The following MAD1L1 variants were observed in gnomAD, a reference collection of about 807,000 sequenced individuals.
MAD1L1 encodes mitotic arrest deficient 1 like 1.
In MAD1L1, 95 loss-of-function variants were observed where a neutral mutation model predicts 96.9. The ratio of observed to expected loss-of-function variants is 0.98; its 90% CI spans 0.83 to 1.16. MAD1L1 has a LOEUF of 1.16. MAD1L1 is among the 50% of genes most tolerant of loss of function. The pLI, the probability that MAD1L1 is intolerant of heterozygous loss-of-function variation, is 0.00. For missense variants in MAD1L1, 1,007 were observed against 954.4 expected (o/e 1.06, Z -0.73); for synonymous variants, 473 against 396.6 (o/e 1.19, Z -2.29).
In MAD1L1 at chr7:1,840,396, G is replaced by A. The variant is rs192342806; in HGVS notation, c.1999-24168C>T. ...CTCTGCACAGTCTTTGAATCGGGCT[G>A]TACAAGTATCTGTCCTAGCAGCAGC... is the stretch of plus-strand genomic sequence containing the variant. On this transcript the variant is annotated intron_variant, in intron 18 of 18. Transcript: ENST00000265854. Among the ~76,000 whole-genome samples, 369 of 152,292 alleles carry A rather than the reference G, an allele frequency of 2.4e-3. 3 individuals are homozygous for A. Among genetic ancestry groups the A allele is most frequent in the African/African-American group, 8.4e-3 (351 of 41,562 alleles).
intron 18 of MAD1L1, among the ~76,000 whole-genome samples, chr7:1,897,797 C>T (rs1458158785): frequency 1.3e-5 from 2 of 152,216 alleles, no homozygotes; most frequent in African/African-American, 4.8e-5. Flanking sequence ...TCCCACTGCG[C>T]AGCCTGGCAT....
In MAD1L1 at chr7:2,070,202, G is replaced by A. The variant is rs1030315580; in HGVS notation, c.1074-864C>T. Among the ~76,000 whole-genome samples, 6 of 152,216 alleles carry A rather than the reference G, an allele frequency of 3.9e-5. 1 individual carries two copies. The highest frequency in any genetic ancestry group is 7.2e-5 in the African/African-American group (3 of 41,452). On this transcript the variant is annotated intron_variant, in intron 11 of 18. Coordinates refer to ENST00000265854, the MANE Select transcript of MAD1L1 (RefSeq NM_001013836.2). ...GTCCTTCAGGAGCTGACTTGGGACC[G>A]GACAAATGACAGCGTCCACTGACCC...
intron 11 of MAD1L1, among the ~76,000 whole-genome samples, chr7:2,128,086 G>A (rs753370144): frequency 6.6e-5 from 10 of 152,078 alleles, no homozygotes; most frequent in African/African-American, 2.4e-4. Flanking sequence ...TCATCAACTC[G>A]GGCTCTGGTC....
intron 10 of MAD1L1, among the ~76,000 whole-genome samples, chr7:2,197,525 C>G (rs1269287573): frequency 6.6e-6 from 1 of 152,212 alleles, no homozygotes; most frequent in African/African-American, 2.4e-5. Flanking sequence ...ACGACGTGCA[C>G]TGCACAGCCA....
At chr7:1,840,698 C>T (rs1287805170) in intron 18 of MAD1L1, among the ~76,000 whole-genome samples, 5 of 152,374 alleles carry the variant, frequency 3.3e-5, no homozygotes, top group Non-Finnish European at 5.9e-5. Flanking sequence ...CACTGCACTC[C>T]AGCCTGGGCA....
intron 10 of MAD1L1, among the ~76,000 whole-genome samples, chr7:2,212,761 A>C (rs542821722): frequency 6.6e-6 from 1 of 152,278 alleles, no homozygotes; most frequent in Admixed American, 6.5e-5. Flanking sequence ...ATAATTACCC[A>C]GTCTCTGGTA....
chr7:2,092,857 G>A (rs538599690), intron 11 of MAD1L1, among the ~76,000 whole-genome samples: 4 of 152,052 alleles, frequency 2.6e-5, no homozygotes, highest in Admixed American at 6.6e-5. Flanking sequence ...AAAACTCATC[G>A]TCCAACCCCA....
rs531418334 is a variant in MAD1L1, at chr7:2,060,332, C to T, written c.1218+8862G>A. 1.8e-4 allele frequency among the ~76,000 whole-genome samples: 27 copies of T among 148,396 alleles called. No homozygotes were observed. In the South Asian group the frequency reaches 5.6e-3, roughly 31 times the overall value. Reference sequence around the variant, plus strand: ...CGAGATACGCCGATGCTGAGATACGCCAATGCCAAGATGTCGAGATATGCT... The same window carrying T: ...CGAGATACGCCGATGCTGAGATACGTCAATGCCAAGATGTCGAGATATGCT... On this transcript the variant is annotated intron_variant, in intron 12 of 18. Coordinates refer to ENST00000265854, the MANE Select transcript of MAD1L1 (RefSeq NM_001013836.2).
Position 1,892,981 on chromosome 7 carries a change from T to C in MAD1L1, c.1998+5219A>G, listed in dbSNP as rs577962706. Among the ~76,000 whole-genome samples the C allele has an allele frequency of 4.0e-5, 6 of 151,784 alleles. No homozygotes were observed. In the South Asian group the frequency reaches 1.3e-3, roughly 32 times the overall value. ...TTTTGAGAAGAGGGGAAAAGGGAGG[T>C]GGGGAAAATTCCGTGAGAACCACTG... is the stretch of plus-strand genomic sequence containing the variant. On this transcript the variant is annotated intron_variant, in intron 18 of 18. Transcript: ENST00000265854.
intron 10 of MAD1L1, among the ~76,000 whole-genome samples, chr7:2,168,056 G>T (rs1014219745): frequency 1.4e-4 from 21 of 152,182 alleles, no homozygotes; most frequent in Admixed American, 4.6e-4. Flanking sequence ...AGGCCGAGGC[G>T]GGTGGATCAC....
intron 18 of MAD1L1, among the ~76,000 whole-genome samples, chr7:1,850,238 C>T (rs1021519904): frequency 6.6e-6 from 1 of 152,142 alleles, no homozygotes; most frequent in Admixed American, 6.5e-5. Context: ...AACCGACAGG[C>T]GCCCAGTCAG....
At chr7:1,948,829 C>G (rs1218088718) in intron 16 of MAD1L1, among the ~76,000 whole-genome samples, 1 of 152,138 alleles carries the variant, frequency 6.6e-6, no homozygotes, top group Admixed American at 6.5e-5. Flanking sequence ...AGGGGCTGTG[C>G]CTGTGGTGAG....
chr7:1,999,032 G>A (rs1053305340), intron 14 of MAD1L1, among the ~76,000 whole-genome samples: 2 of 150,554 alleles, frequency 1.3e-5, no homozygotes, highest in Non-Finnish European at 2.9e-5. Flanking sequence ...ACACACTGCT[G>A]GACACCAGAC....
chr7:1,907,022 G>A lies in MAD1L1; in HGVS notation c.1808-8632C>T, dbSNP rs537458723. On this transcript the variant is annotated intron_variant, in intron 17 of 18. Coordinates refer to ENST00000265854, the MANE Select transcript of MAD1L1 (RefSeq NM_001013836.2). ...CGAAGAGAGGCCATGCCACTGCCCC[G>A]CCCCCAAGCCCCCAACCCCATCCCT... Among the ~76,000 whole-genome samples, 9 of 149,548 alleles carry A rather than the reference G, an allele frequency of 6.0e-5. No homozygotes were observed. The South Asian group carries it at 8.9e-4, about 15-fold the overall frequency.
intron 11 of MAD1L1, among the ~76,000 whole-genome samples, chr7:2,125,441 T>C (rs1295266572): frequency 6.6e-6 from 1 of 152,162 alleles, no homozygotes; most frequent in Admixed American, 6.5e-5. Context: ...TAGTGATGTC[T>C]CCGCAGCCTG....
At chr7:1,912,021 C>T (rs571535111) in intron 17 of MAD1L1, among the ~76,000 whole-genome samples, 59 of 152,314 alleles carry the variant, frequency 3.9e-4, no homozygotes, top group Non-Finnish European at 7.5e-4. Context: ...AGACACTTGT[C>T]GGGGGTCTGG....
chr7:2,011,452 A>G (rs1233061834), intron 13 of MAD1L1, among the ~76,000 whole-genome samples: 2 of 152,176 alleles, frequency 1.3e-5, no homozygotes, highest in Non-Finnish European at 2.9e-5. Flanking sequence ...ATCCATGAGG[A>G]GGTGGGGAGC....
At chr7:1,909,517 G>C (rs560321463) in intron 17 of MAD1L1, among the ~76,000 whole-genome samples, 56 of 152,344 alleles carry the variant, frequency 3.7e-4, no homozygotes, top group African/African-American at 1.3e-3. Context: ...GGCTGGCTCT[G>C]CAAGAGACTG....
chr7:2,209,766 G>A (rs1451002375), intron 10 of MAD1L1, among the ~76,000 whole-genome samples: 1 of 152,218 alleles, frequency 6.6e-6, no homozygotes, highest in African/African-American at 2.4e-5. Context: ...ACCCGGCACA[G>A]GCCCAGGGCA....
Sources: gnomAD v4.1 joint callset for allele counts (sites outside exome capture counted in the v4.1 genomes callset) on GRCh38, gnomAD v4.1.1 for gene constraint, MANE v1.5 for transcripts, NCBI Gene and HGNC (gene_info 2026-07-23, HGNC 2026-07-21) for gene names.